SNX1: variants seen among roughly 807,000 people sequenced by gnomAD.
SNX1 encodes sorting nexin-1.
Under a neutral mutation model 71.8 loss-of-function variants are expected in SNX1, and 36 were observed. The ratio of observed to expected loss-of-function variants is 0.50; its 90% CI spans 0.38 to 0.66. The LOEUF (loss-of-function observed/expected upper bound fraction) is 0.66, where lower values mean the gene tolerates loss of function less well. SNX1 is among the 30% of genes least tolerant of loss of function. The probability of loss-of-function intolerance (pLI) is 0.00; values close to 1 mark genes in which losing one functional copy is unlikely to be tolerated. For synonymous variants in SNX1, 254 were observed against 240.7 expected (o/e 1.06, Z -0.51); for missense variants, 612 against 646.7 (o/e 0.95, Z 0.58).
rs1281386396 is a variant in SNX1 at position 64,131,676 on chromosome 15, C to T, written c.1016-11C>T. ...ATCAGAGAGGCCTCTGCTGTCTTTT[C>T]CTCCTTCCAGAGCTAGCGCTGAACA... On this transcript the variant is annotated splice_polypyrimidine_tract_variant and intron_variant, in intron 10 of 14. Transcript: ENST00000559844. The T allele has an allele frequency of 2.2e-5, 35 of 1,613,138 alleles. No individual in the cohort carries two copies. Among genetic ancestry groups the T allele is most frequent in the Non-Finnish European group, 2.8e-5 (33 of 1,179,644 alleles).
At chr15:64,131,012 C>T (rs1205737210) in intron 10 of SNX1, among the ~76,000 whole-genome samples, 3 of 152,142 alleles carry the variant, frequency 2.0e-5, no homozygotes, top group African/African-American at 7.2e-5. Context: ...TAGCCGGTCG[C>T]GGTGGCTCAC....
At chr15:64,119,287 C>T (rs1056007475) in intron 4 of SNX1, among the ~76,000 whole-genome samples, 18 of 151,940 alleles carry the variant, frequency 1.2e-4, no homozygotes, top group Admixed American at 7.2e-4. Context: ...GCTACCATGC[C>T]GACTAATTCT....
Position 64,141,643 on chromosome 15 carries a change from G to A in SNX1, c.*4025G>A, listed in dbSNP as rs987347404. 3.3e-5 allele frequency: 5 copies of A among 152,330 alleles called. No individual in the cohort carries two copies. Among genetic ancestry groups the A allele is most frequent in the Non-Finnish European group, 5.9e-5 (4 of 68,126 alleles). 9.4% of individuals were successfully genotyped at this position (152,330 alleles called of 1,614,324 possible). On this transcript the variant is annotated 3_prime_UTR_variant, in exon 15 of 15. Coordinates refer to ENST00000559844, the MANE Select transcript of SNX1 (RefSeq NM_003099.5). This position sits in a 1 kb window ranked among gnomAD's most constrained non-coding sequence, Gnocchi z 5.1. ...AGTGGCTTGGTGTAGGGTAAAGTCA[G>A]TGAGGCCCATGGAGAAAAACGAGCA...
At position 64,138,174 on chromosome 15, in the gene SNX1, G is replaced by A. The variant is rs1200645189; in HGVS notation, c.*556G>A. The A allele has an allele frequency of 4.8e-5, 74 of 1,535,168 alleles. 1 individual carries two copies. In the East Asian group the frequency reaches 1.2e-3, roughly 25 times the overall value. On this transcript the variant is annotated 3_prime_UTR_variant, in exon 15 of 15. Transcript: ENST00000559844. ...CTGGAAATGGGGTTTCTTTCTCTCC[G>A]CCTACCTCAGCTACCTGTTCTGAGG...
chr15:64,143,073 G>A lies in SNX1; in HGVS notation c.*5455G>A, dbSNP rs903854218. ...GACTTCAAGGACATCAAGCCCCAAG[G>A]TGGTGGGATTTTCCCCACCAGTACT... On this transcript the variant is annotated 3_prime_UTR_variant, in exon 15 of 15. Coordinates refer to ENST00000559844, the MANE Select transcript of SNX1 (RefSeq NM_003099.5). The A allele has an allele frequency of 5.6e-6, 1 of 178,058 alleles. No individual in the cohort carries two copies. The highest frequency in any genetic ancestry group is 1.2e-5 in the Non-Finnish European group (1 of 84,130). The allele number at this position is 178,058 out of a possible 1,614,324, so 11.0% of individuals were successfully genotyped here.
In SNX1 at chr15:64,096,059, C is replaced by A; in HGVS notation, c.46C>A (p.Pro16Thr). The A allele has an allele frequency of 6.3e-7, 1 of 1,586,830 alleles. No individual in the cohort carries two copies. The highest frequency in any genetic ancestry group is 8.5e-7 in the Non-Finnish European group (1 of 1,170,416). ...GGCSASERLP[P>T]PFPGLEPESE... ...CTGTAGCGCTTCGGAGAGACTGCCTCCGCCCTTCCCCGGCCTGGAGCCGGA... is the reference window on the plus strand; with the variant it reads ...CTGTAGCGCTTCGGAGAGACTGCCTACGCCCTTCCCCGGCCTGGAGCCGGA... Residue 16 changes from proline to threonine, a missense_variant, in exon 1 of 15, where the codon CCG becomes ACG. Pro to Thr is a conservative substitution (Grantham distance 38). This residue lies in a region of SNX1 where 316 missense variants were observed against 284.9 expected (regional missense o/e 1.11). Coordinates refer to ENST00000559844, the MANE Select transcript of SNX1 (RefSeq NM_003099.5).
In SNX1 at chr15:64,134,338, C is replaced by T. The variant is rs1308027669; in HGVS notation, c.1222-326C>T. ...CAGGCACTCAGGGAAAGTATGTAGCCTTATGAACTGACTGATCTGAGGGAG... is the reference window on the plus strand; with the variant it reads ...CAGGCACTCAGGGAAAGTATGTAGCTTTATGAACTGACTGATCTGAGGGAG... On this transcript the variant is annotated intron_variant, in intron 11 of 14. Transcript: ENST00000559844. The surrounding 1 kb of genome is among the most constrained non-coding windows in gnomAD (Gnocchi z 4.1). 1.2e-5 allele frequency: 3 copies of T among 252,916 alleles called. No individual in the cohort carries two copies. The highest frequency in any genetic ancestry group is 2.3e-5 in the Non-Finnish European group (3 of 131,966). 15.7% of individuals were successfully genotyped at this position (252,916 alleles called of 1,614,324 possible). A position where few individuals can be genotyped will look rare whatever the true frequency, so the allele number is the denominator to read the frequency against.
chr15:64,107,507 T>A (rs2081034509), intron 1 of SNX1, among the ~76,000 whole-genome samples: 1 of 152,256 alleles, frequency 6.6e-6, no homozygotes, highest in Non-Finnish European at 1.5e-5. Context: ...CTGGAATGGC[T>A]TGAGGCTGGT....
chr15:64,143,764 G>A lies in SNX1; in HGVS notation c.*6146G>A, dbSNP rs888331157. 6 of 152,214 alleles carry A rather than the reference G, an allele frequency of 3.9e-5. No homozygotes were observed. The highest frequency in any genetic ancestry group is 7.3e-5 in the Non-Finnish European group (5 of 68,030). 9.4% of individuals were successfully genotyped at this position (152,214 alleles called of 1,614,324 possible). A position where few individuals can be genotyped will look rare whatever the true frequency, so the allele number is the denominator to read the frequency against. On this transcript the variant is annotated 3_prime_UTR_variant, in exon 15 of 15. Transcript: ENST00000559844. ...GAATATAAGTGTAAGGAGATGTGAA[G>A]CATTTGCCTGTGTGTCAGAACATTC...
chr15:64,135,049 C>T (rs1331886310), intron 12 of SNX1: 2 of 501,288 alleles, frequency 4.0e-6, no homozygotes, highest in African/African-American at 2.0e-5. Flanking sequence ...CATGGTGGCT[C>T]GCGCCTGTAA....
At position 64,137,713 on chromosome 15, in the gene SNX1, A is replaced by T; in HGVS notation, c.*95A>T. 6.3e-7 allele frequency: 1 copy of T among 1,586,912 alleles called. No homozygotes were observed. Among genetic ancestry groups the T allele is most frequent in the Non-Finnish European group, 8.6e-7 (1 of 1,162,780 alleles). On this transcript the variant is annotated 3_prime_UTR_variant, in exon 15 of 15. Transcript: ENST00000559844. ...GGACCCCTAGTGATGCATCCTGCCT[A>T]GGCTGGACTTAACCCCTTCCTCCCT...
Position 64,144,185 on chromosome 15 carries a change from C to T in SNX1, c.*6567C>T, listed in dbSNP as rs1165500709. On this transcript the variant is annotated 3_prime_UTR_variant, in exon 15 of 15. Transcript: ENST00000559844. This position sits in a 1 kb window ranked among gnomAD's most constrained non-coding sequence, Gnocchi z 4.3. Reference sequence around the variant, plus strand: ...ATTGCTTAAAATTTGTATGTATTATCGTTAAAATAAGAAAAATCAAATAAA... The same window carrying T: ...ATTGCTTAAAATTTGTATGTATTATTGTTAAAATAAGAAAAATCAAATAAA... The T allele has an allele frequency of 6.6e-6, 1 of 152,034 alleles. No homozygotes were observed. Among genetic ancestry groups the T allele is most frequent in the Non-Finnish European group, 1.5e-5 (1 of 67,998 alleles). The allele number at this position is 152,034 out of a possible 1,614,324, so 9.4% of individuals were successfully genotyped here.
In SNX1 at chr15:64,141,853, C is replaced by G. The variant is rs953440343; in HGVS notation, c.*4235C>G. ...GTGGGGCCAGAGCTCAGGAGAGTTT[C>G]GGAACCACTGAGATCGGTCCTTGAT... is the stretch of plus-strand genomic sequence containing the variant. On this transcript the variant is annotated 3_prime_UTR_variant, in exon 15 of 15. Transcript: ENST00000559844. This position sits in a 1 kb window ranked among gnomAD's most constrained non-coding sequence, Gnocchi z 5.1. 6.6e-6 allele frequency: 1 copy of G among 152,212 alleles called. No individual in the cohort carries two copies. The highest frequency in any genetic ancestry group is 2.4e-5 in the African/African-American group (1 of 41,436). 9.4% of individuals were successfully genotyped at this position (152,212 alleles called of 1,614,324 possible).
At position 64,142,558 on chromosome 15, in the gene SNX1, A is replaced by G. The variant is rs2140169151; in HGVS notation, c.*4940A>G. 2.2e-6 allele frequency: 1 copy of G among 450,420 alleles called. No homozygotes were observed. Among genetic ancestry groups the G allele is most frequent in the South Asian group, 1.6e-5 (1 of 63,806 alleles). 27.9% of individuals were successfully genotyped at this position (450,420 alleles called of 1,614,324 possible). On this transcript the variant is annotated 3_prime_UTR_variant, in exon 15 of 15. Coordinates refer to ENST00000559844, the MANE Select transcript of SNX1 (RefSeq NM_003099.5). Reference sequence around the variant, plus strand: ...GTGCCTCACTGCTGAGGCCACAGGAAAGAATCTGTAGGTGGAGGGGAGGCC... The same window carrying G: ...GTGCCTCACTGCTGAGGCCACAGGAGAGAATCTGTAGGTGGAGGGGAGGCC...
chr15:64,127,578 T>C (rs2081266442), intron 7 of SNX1, among the ~76,000 whole-genome samples, 153 bp from the exon 8 acceptor site: 4 of 152,210 alleles, frequency 2.6e-5, no homozygotes. Context: ...AACTTGAATA[T>C]GCTTACAAGG....
chr15:64,130,127 A>G (rs2081291625), intron 9 of SNX1, 98 bp downstream of exon 9: 1 of 1,470,936 alleles, frequency 6.8e-7, no homozygotes, highest in Middle Eastern at 1.7e-4. Flanking sequence ...AAACTTTTTT[A>G]TAAGATTTTT....
At position 64,129,676 on chromosome 15, in the gene SNX1, C is replaced by CT. The variant is rs2081287275; in HGVS notation, c.808-233dup. Among the ~76,000 whole-genome samples, 2 of 152,186 alleles carry CT rather than the reference C, an allele frequency of 1.3e-5. No homozygotes were observed. Among genetic ancestry groups the CT allele is most frequent in the South Asian group, 2.1e-4 (1 of 4,826 alleles). Reference sequence around the variant, plus strand: ...CCTGGCCACGTAACACCCCAGTCTACTTTTTTTCTGTATAAAATATCAAAA... The same window carrying CT: ...CCTGGCCACGTAACACCCCAGTCTACTTTTTTTTCTGTATAAAATATCAAAA... On this transcript the variant is annotated intron_variant, in intron 8 of 14. Coordinates refer to ENST00000559844, the MANE Select transcript of SNX1 (RefSeq NM_003099.5). This position sits in a 1 kb window ranked among gnomAD's most constrained non-coding sequence, Gnocchi z 4.4.
chr15:64,142,847 T>C lies in SNX1; in HGVS notation c.*5229T>C, dbSNP rs555038458. On this transcript the variant is annotated 3_prime_UTR_variant, in exon 15 of 15. Coordinates refer to ENST00000559844, the MANE Select transcript of SNX1 (RefSeq NM_003099.5). Reference sequence around the variant, plus strand: ...TCGCCTACACAAAAATACCAGCAACTGTTAACTCTTCCCAGAAGATTTTCA... The same window carrying C: ...TCGCCTACACAAAAATACCAGCAACCGTTAACTCTTCCCAGAAGATTTTCA... 3.7e-4 allele frequency: 126 copies of C among 338,788 alleles called. No homozygotes were observed. The highest frequency in any genetic ancestry group is 1.7e-3 in the Middle Eastern group (2 of 1,158). 21.0% of individuals were successfully genotyped at this position (338,788 alleles called of 1,614,324 possible).
rs546699439 is a variant in SNX1, at chr15:64,112,499, A to C, written c.160-74A>C. On this transcript the variant is annotated intron_variant, in intron 1 of 14. Coordinates refer to ENST00000559844, the MANE Select transcript of SNX1 (RefSeq NM_003099.5). ...ACTGGTGGCAACTGAGGGAGGCATT[A>C]AAAGTTGCTTTCTAGGCAAGTTGGG... is the stretch of plus-strand genomic sequence containing the variant. 14 of 946,102 alleles carry C rather than the reference A, an allele frequency of 1.5e-5. No individual in the cohort carries two copies. The African/African-American group carries it at 2.2e-4, about 15-fold the overall frequency. 58.6% of individuals were successfully genotyped at this position (946,102 alleles called of 1,614,324 possible). A position where few individuals can be genotyped will look rare whatever the true frequency, so the allele number is the denominator to read the frequency against.
Sources: gnomAD v4.1 joint callset for allele counts (sites outside exome capture counted in the v4.1 genomes callset) on GRCh38, gnomAD v4.1.1 for gene constraint, gnomAD v4.1.1 regional missense constraint, Gnocchi (gnomAD v3.1) non-coding constraint, MANE v1.5 for transcripts, NCBI Gene and HGNC (gene_info 2026-07-23, HGNC 2026-07-21) for gene names.